The following MEF2A variants were observed in gnomAD, a reference collection of about 807,000 sequenced individuals.
The protein encoded by MEF2A is myocyte-specific enhancer factor 2A.
MEF2A carries 28 observed loss-of-function variants against 55.8 expected under a neutral mutation model. The ratio of observed to expected loss-of-function variants is 0.50; its 90% CI spans 0.37 to 0.69. The LOEUF is 0.69. MEF2A is among the 30% of genes least tolerant of loss of function. The pLI is 0.00. For missense variants in MEF2A, 528 were observed against 626.2 expected (o/e 0.84, Z 1.67); for synonymous variants, 239 against 227.1 (o/e 1.05, Z -0.47).
chr15:99,636,468 C>G (rs556883068), intron 3 of MEF2A, among the ~76,000 whole-genome samples: 7 of 152,272 alleles, frequency 4.6e-5, no homozygotes, highest in South Asian at 2.1e-4. Flanking sequence ...ATCTTCACCT[C>G]TTGAGTAGGT....
Position 99,582,863 on chromosome 15 carries a change from C to T in MEF2A, c.-224-15567C>T, listed in dbSNP as rs1171225109. Among the ~76,000 whole-genome samples, 3 of 152,014 alleles carry T rather than the reference C, an allele frequency of 2.0e-5. No individual in the cohort carries two copies. The East Asian group carries it at 5.8e-4, about 29-fold the overall frequency. ...GTATTACAGTAATTTATAATTGCCA[C>T]AACTATCCTGGGATATGTTGTAGAT... On this transcript the variant is annotated intron_variant, in intron 1 of 11. Transcript: ENST00000557942.
intron 2 of MEF2A, among the ~76,000 whole-genome samples, chr15:99,614,175 A>G: frequency 6.6e-6 from 1 of 152,220 alleles, no homozygotes; most frequent in Non-Finnish European, 1.5e-5. Context: ...AATATATATT[A>G]AGGTCTAACA....
intron 2 of MEF2A, among the ~76,000 whole-genome samples, chr15:99,603,683 G>C (rs1481627807): frequency 2.0e-5 from 3 of 152,042 alleles, no homozygotes; most frequent in African/African-American, 4.8e-5. Flanking sequence ...TTACAGGTGT[G>C]AGCCACCATG....
chr15:99,653,181 G>C (rs2047132196), intron 4 of MEF2A, among the ~76,000 whole-genome samples: 1 of 152,176 alleles, frequency 6.6e-6, no homozygotes, highest in Non-Finnish European at 1.5e-5. Flanking sequence ...AGCCTGTAAG[G>C]TGAGATGTAT....
intron 4 of MEF2A, among the ~76,000 whole-genome samples, chr15:99,654,126 C>T (rs1001476359): frequency 2.0e-5 from 3 of 151,912 alleles, no homozygotes; most frequent in African/African-American, 4.8e-5. Context: ...AAAATGGTTT[C>T]GTTACTTTGG....
At chr15:99,677,401 T>C (rs992192961) in intron 7 of MEF2A, among the ~76,000 whole-genome samples, 2 of 151,874 alleles carry the variant, frequency 1.3e-5, no homozygotes. Context: ...ATTTAAAAAA[T>C]GGAAATTTTA....
chr15:99,580,043 C>T (rs1965474985), intron 1 of MEF2A, among the ~76,000 whole-genome samples: 2 of 152,106 alleles, frequency 1.3e-5, no homozygotes, highest in African/African-American at 4.8e-5. Context: ...TCTAATCTCT[C>T]CAGACACTTC....
intron 3 of MEF2A, among the ~76,000 whole-genome samples, chr15:99,640,198 C>A (rs536529647): frequency 6.6e-6 from 1 of 152,144 alleles, no homozygotes. Context: ...TTCTAACCTT[C>A]CGTATTCTTT....
intron 1 of MEF2A, among the ~76,000 whole-genome samples, chr15:99,567,320 A>G (rs139867171): frequency 2.5e-3 from 385 of 152,300 alleles, no homozygotes; most frequent in Non-Finnish European, 4.2e-3. Flanking sequence ...TTAGCACAGT[A>G]TGTTTCCCAT....
intron 1 of MEF2A, among the ~76,000 whole-genome samples, chr15:99,567,633 G>A (rs1960270707): frequency 7.0e-6 from 1 of 142,676 alleles, no homozygotes; most frequent in African/African-American, 2.7e-5. Context: ...TGTACTGTGT[G>A]TGTGTGTGTG....
intron 7 of MEF2A, among the ~76,000 whole-genome samples, chr15:99,676,039 C>CAAA (rs538248724): frequency 3.5e-5 from 4 of 115,590 alleles, no homozygotes; most frequent in Non-Finnish European, 3.6e-5. Flanking sequence ...GACTCCTTCT[C>CAAA]AAAAAAAAAA....
chr15:99,693,048 A>T (rs1211719036), intron 8 of MEF2A, among the ~76,000 whole-genome samples: 1 of 152,138 alleles, frequency 6.6e-6, no homozygotes, highest in Non-Finnish European at 1.5e-5. Context: ...TGGCATGCAG[A>T]TCCCCACCCC....
chr15:99,710,902 A>G lies in MEF2A; in HGVS notation c.1136+142A>G, dbSNP rs180888796. ...TTTTCAGGTAGATACAAGTGTCGGG[A>G]GAAAATATTTTCTTACATGGCTCTA... On this transcript the variant is annotated intron_variant, in intron 11 of 11. Transcript: ENST00000557942. The G allele has an allele frequency of 9.3e-5, 95 of 1,024,524 alleles. No individual in the cohort carries two copies. The East Asian group carries it at 2.4e-3, about 25-fold the overall frequency. 63.5% of individuals were successfully genotyped at this position (1,024,524 alleles called of 1,614,324 possible).
chr15:99,619,482 T>A (rs1180990576), intron 2 of MEF2A, among the ~76,000 whole-genome samples: 1 of 152,198 alleles, frequency 6.6e-6, no homozygotes, highest in African/African-American at 2.4e-5. Flanking sequence ...ATAATGCCTG[T>A]CTTATAAAGA....
At chr15:99,599,994 A>C (rs1972445199) in intron 2 of MEF2A, among the ~76,000 whole-genome samples, 1 of 152,138 alleles carries the variant, frequency 6.6e-6, no homozygotes, top group Non-Finnish European at 1.5e-5. Context: ...AAGAGACTTG[A>C]GTGTCCTAGG....
In MEF2A at chr15:99,716,356, T is replaced by C. The variant is rs1597372138; in HGVS notation, c.*3585T>C. 2.8e-6 allele frequency: 1 copy of C among 354,822 alleles called. No homozygotes were observed. Among genetic ancestry groups the C allele is most frequent in the African/African-American group, 2.1e-5 (1 of 46,710 alleles). The allele number at this position is 354,822 out of a possible 1,614,324, so 22.0% of individuals were successfully genotyped here. A position where few individuals can be genotyped will look rare whatever the true frequency, so the allele number is the denominator to read the frequency against. On this transcript the variant is annotated 3_prime_UTR_variant, in exon 12 of 12. Transcript: ENST00000557942. ...GTTAATCTCAATTTTTCCCTGAATG[T>C]GTTGTTTTTCTTCATTATACAATAA...
Position 99,605,167 on chromosome 15 carries a change from C to T in MEF2A, c.-143+6656C>T, listed in dbSNP as rs924565217. Among the ~76,000 whole-genome samples the T allele has an allele frequency of 1.1e-4, 16 of 152,242 alleles. 1 individual carries two copies. Among genetic ancestry groups the T allele is most frequent in the East Asian group, 5.8e-4 (3 of 5,176 alleles). On this transcript the variant is annotated intron_variant, in intron 2 of 11. Transcript: ENST00000557942. The stretch of plus-strand genomic sequence containing the variant: ...TTTGCCATGCTGGCCAGGCTGGTCT[C>T]GAACTCCTGGCCTCAAGTGATCTGG...
intron 8 of MEF2A, among the ~76,000 whole-genome samples, chr15:99,701,496 C>T (rs930023045): frequency 2.6e-5 from 4 of 152,260 alleles, no homozygotes; most frequent in African/African-American, 9.6e-5. Flanking sequence ...CTTGTGGGAT[C>T]CAGGATCTGA....
At chr15:99,664,093 C>G (rs2049149868) in intron 4 of MEF2A, among the ~76,000 whole-genome samples, 1 of 152,190 alleles carries the variant, frequency 6.6e-6, no homozygotes, top group Non-Finnish European at 1.5e-5. Flanking sequence ...TTAATCATCA[C>G]TTCTAGGTTT....
Sources: allele counts gnomAD v4.1 joint callset (sites outside exome capture counted in the v4.1 genomes callset), GRCh38; gene constraint gnomAD v4.1.1; transcripts MANE v1.5; gene names NCBI Gene and HGNC (gene_info 2026-07-23, HGNC 2026-07-21).